The following KCNT2 variants were observed in gnomAD, a reference collection of about 807,000 sequenced individuals.
KCNT2 encodes the protein potassium channel subfamily T member 2.
Under a neutral mutation model 153.8 loss-of-function variants are expected in KCNT2, and 67 were observed. The ratio of observed to expected loss-of-function variants is 0.44; its 90% CI spans 0.36 to 0.53. The LOEUF is 0.53. Among genes scored for constraint, KCNT2 ranks in the 20% least tolerant of loss-of-function variants. KCNT2 has a pLI of 0.00. For missense variants in KCNT2, 975 were observed against 1,354.8 expected (o/e 0.72, Z 4.40); for synonymous variants, 500 against 458.8 (o/e 1.09, Z -1.15).
At chr1:196,606,377 C>T (rs1475316585) in intron 1 of KCNT2, among the ~76,000 whole-genome samples, 2 of 152,126 alleles carry the variant, frequency 1.3e-5, no homozygotes, top group Non-Finnish European at 2.9e-5. Context: ...CATGAAGCCA[C>T]AAAAGTAGCC....
intron 1 of KCNT2, among the ~76,000 whole-genome samples, chr1:196,572,669 T>C (rs1247024376): frequency 6.6e-6 from 1 of 152,118 alleles, no homozygotes; most frequent in Non-Finnish European, 1.5e-5. Flanking sequence ...AAAGTTGCTA[T>C]ATTTTATTGA....
intron 22 of KCNT2, among the ~76,000 whole-genome samples, chr1:196,294,117 A>G (rs1189555683): frequency 1.3e-5 from 2 of 152,136 alleles, no homozygotes; most frequent in East Asian, 3.9e-4. Flanking sequence ...AACATCACTG[A>G]TCATCAGGGA....
chr1:196,258,417 G>T lies in KCNT2; in HGVS notation c.2988C>A (p.His996Gln). The change falls in exon 26 of 28, where the codon CAC (histidine) becomes CAA (glutamine). Residue 996 changes from histidine to glutamine, a missense_variant. His to Gln is a conservative substitution (Grantham distance 24, BLOSUM62 0). Transcript: ENST00000294725. Reference protein sequence around the residue: ...SKEQGHHRSNHRNSTSSDQSD... With the variant: ...SKEQGHHRSNQRNSTSSDQSD... ...ACTGATCACTGGATGTTGAGTTGCG[G>T]TGGTTGCTGCGGTGGTGCCCTTGTT... The T allele has an allele frequency of 1.2e-6, 2 of 1,613,568 alleles. No homozygotes were observed. The highest frequency in any genetic ancestry group is 1.7e-6 in the Non-Finnish European group (2 of 1,179,576).
chr1:196,455,698 C>T (rs1211635621), intron 8 of KCNT2, among the ~76,000 whole-genome samples: 1 of 151,732 alleles, frequency 6.6e-6, no homozygotes, highest in African/African-American at 2.4e-5. Context: ...TTGTTTTTCC[C>T]TTCTTTTATT....
intron 25 of KCNT2, among the ~76,000 whole-genome samples, chr1:196,269,365 G>A (rs1444038079): frequency 6.6e-6 from 1 of 152,122 alleles, no homozygotes; most frequent in Non-Finnish European, 1.5e-5. Flanking sequence ...ATATGTGTGT[G>A]TGTGTGTGTG....
intron 1 of KCNT2, among the ~76,000 whole-genome samples, chr1:196,584,505 G>T (rs954450574): frequency 6.6e-6 from 1 of 152,004 alleles, no homozygotes; most frequent in African/African-American, 2.4e-5. Context: ...TTATTTGTAA[G>T]GGTGCACGTA....
intron 14 of KCNT2, among the ~76,000 whole-genome samples, chr1:196,349,674 TA>T (rs1666459160): frequency 6.6e-6 from 1 of 151,782 alleles, no homozygotes; most frequent in Admixed American, 6.6e-5. Context: ...CAAACCTTTT[TA>T]TTTTATTTTT....
intron 8 of KCNT2, among the ~76,000 whole-genome samples, chr1:196,457,957 G>A (rs1175875545): frequency 6.6e-6 from 1 of 151,812 alleles, no homozygotes. Flanking sequence ...AAGGCTCTGG[G>A]AAGAGGAACG....
At chr1:196,294,316 G>A (rs771044516) in intron 22 of KCNT2, among the ~76,000 whole-genome samples, 8 of 152,084 alleles carry the variant, frequency 5.3e-5, no homozygotes, top group East Asian at 1.9e-4. Flanking sequence ...TCGCTCTGTC[G>A]CCAGGCTAGA....
intron 8 of KCNT2, among the ~76,000 whole-genome samples, chr1:196,444,202 C>G (rs1268987732): frequency 6.6e-6 from 1 of 151,164 alleles, no homozygotes; most frequent in Non-Finnish European, 1.5e-5. Context: ...CCTCCATGCA[C>G]ATGTAAATAT....
At chr1:196,283,442 C>T (rs1462740622) in intron 23 of KCNT2, among the ~76,000 whole-genome samples, 1 of 151,622 alleles carries the variant, frequency 6.6e-6, no homozygotes, top group East Asian at 1.9e-4. Context: ...CTCAAAACAA[C>T]AAACAAACAA....
At chr1:196,480,855 C>CAA (rs372270510) in intron 4 of KCNT2, among the ~76,000 whole-genome samples, 2,032 of 26,892 alleles carry the variant, frequency 0.076, 511 homozygotes, top group Middle Eastern at 0.12. Context: ...GACTTCGTCT[C>CAA]AAAAAAAAAA....
At chr1:196,446,678 T>A (rs148106019) in intron 8 of KCNT2, among the ~76,000 whole-genome samples, 2 of 151,690 alleles carry the variant, frequency 1.3e-5, no homozygotes, top group Admixed American at 1.3e-4. Flanking sequence ...AGAGAGCCAG[T>A]TACCTACAAG....
At chr1:196,284,125 G>T (rs866796413) in intron 23 of KCNT2, among the ~76,000 whole-genome samples, 23 of 147,466 alleles carry the variant, frequency 1.6e-4, no homozygotes, top group Non-Finnish European at 2.5e-4. Flanking sequence ...CAGCTATTTG[G>T]GAGCCTGAGG....
rs144323772 is a variant in KCNT2, at chr1:196,256,709, A to AATATATATATATATATAT, written c.3211+1467_3211+1484dup. ...CAGTTTCACAGGTGATTATCATGGA[A>AATATATATATATATATAT]ATATATATATATATATATATATCCT... On this transcript the variant is annotated intron_variant, in intron 26 of 27. Coordinates refer to ENST00000294725, the MANE Select transcript of KCNT2 (RefSeq NM_198503.5). Among the ~76,000 whole-genome samples the AATATATATATATATATAT allele has an allele frequency of 1.5e-3, 216 of 144,150 alleles. 1 individual carries two copies. The highest frequency in any genetic ancestry group is 5.3e-3 in the African/African-American group (210 of 39,572). The allele number at this position is 144,150 out of a possible 152,430, so 94.6% of individuals were successfully genotyped here. A position where few individuals can be genotyped will look rare whatever the true frequency, so the allele number is the denominator to read the frequency against.
At chr1:196,307,196 G>C (rs1661712238) in intron 21 of KCNT2, among the ~76,000 whole-genome samples, 1 of 152,036 alleles carries the variant, frequency 6.6e-6, no homozygotes, top group South Asian at 2.1e-4. Context: ...AAAGCATGAA[G>C]CTAGTGGCTA....
chr1:196,240,478 G>T (rs750324100), intron 26 of KCNT2, among the ~76,000 whole-genome samples: 1 of 151,918 alleles, frequency 6.6e-6, no homozygotes, highest in East Asian at 1.9e-4. Flanking sequence ...GCAACATAAA[G>T]GTTATGTATT....
At chr1:196,424,126 T>C (rs1456418927) in intron 11 of KCNT2, among the ~76,000 whole-genome samples, 1 of 151,936 alleles carries the variant, frequency 6.6e-6, no homozygotes, top group African/African-American at 2.4e-5. Flanking sequence ...CCTTCCCTTT[T>C]CTTTTATCAC....
chr1:196,373,395 C>T (rs1668694585), intron 13 of KCNT2, 147 bp from the exon 14 acceptor site: 1 of 573,966 alleles, frequency 1.7e-6, no homozygotes, highest in African/African-American at 1.9e-5. Context: ...AATTTTATCC[C>T]CAGGAAATAT....
Sources: gnomAD v4.1 joint callset for allele counts (sites outside exome capture counted in the v4.1 genomes callset) on GRCh38, gnomAD v4.1.1 for gene constraint, MANE v1.5 for transcripts, NCBI Gene and HGNC (gene_info 2026-07-23, HGNC 2026-07-21) for gene names.